Variants in ARMC9 observed in about 807,000 individuals in gnomAD.
ARMC9 encodes the protein armadillo repeat containing 9.
In ARMC9, 94 loss-of-function variants were observed where a neutral mutation model predicts 107.0. The ratio of observed to expected loss-of-function variants is 0.88; its 90% CI spans 0.74 to 1.04. The LOEUF (loss-of-function observed/expected upper bound fraction) is 1.04, where lower values mean the gene tolerates loss of function less well. Among genes scored for constraint, ARMC9 ranks in the 50% least tolerant of loss-of-function variants. The pLI is 0.00. For synonymous variants in ARMC9, 380 were observed against 396.9 expected (o/e 0.96, Z 0.51); for missense variants, 942 against 1,030.1 (o/e 0.91, Z 1.17).
At chr2:231,282,847 G>A (rs1381982489) in intron 17 of ARMC9, among the ~76,000 whole-genome samples, 2 of 152,188 alleles carry the variant, frequency 1.3e-5, no homozygotes, top group Non-Finnish European at 2.9e-5. Context: ...CTAAACAGTG[G>A]ACCTTAATTG....
In ARMC9 at chr2:231,262,379, A is replaced by G; in HGVS notation, c.1100A>G (p.Asp367Gly). 1 of 1,614,138 alleles carries G rather than the reference A, an allele frequency of 6.2e-7. No individual in the cohort carries two copies. Among genetic ancestry groups the G allele is most frequent in the South Asian group, 1.1e-5 (1 of 91,080 alleles). Residue 367 changes from aspartate to glycine, a missense_variant, in exon 12 of 25, where the codon GAC (aspartate) becomes GGC (glycine). By Grantham distance (94) the Asp-to-Gly change is moderately conservative. Transcript: ENST00000611582. ...GCCTACATCAGCAATGACCTCTTGG[A>G]CTGTTATAGCCACAACCAGGTTGGT... ...LQAYISNDLLDCYSHNQRSVL... is the reference protein window; with the variant it reads ...LQAYISNDLLGCYSHNQRSVL...
At chr2:231,298,385 A>T (rs1227430664) in intron 19 of ARMC9, among the ~76,000 whole-genome samples, 1 of 152,182 alleles carries the variant, frequency 6.6e-6, no homozygotes, top group African/African-American at 2.4e-5. Flanking sequence ...CTGTCTTTCA[A>T]AGTTGGAGGG....
At position 231,263,252 on chromosome 2, in the gene ARMC9, C is replaced by G. The variant is rs181266607; in HGVS notation, c.1119+854C>G. ...AGTATCAAATGCTCTGGACACTCAC[C>G]GATTAAACAGCTGTCTTAGGCCATT... On this transcript the variant is annotated intron_variant, in intron 12 of 24. Coordinates refer to ENST00000611582, the MANE Select transcript of ARMC9 (RefSeq NM_001352754.2). 1.2e-4 allele frequency among the ~76,000 whole-genome samples: 18 copies of G among 152,266 alleles called. No individual in the cohort carries two copies. The East Asian group carries it at 3.5e-3, about 29-fold the overall frequency.
chr2:231,351,847 C>A (rs1212751390), intron 21 of ARMC9, among the ~76,000 whole-genome samples: 1 of 152,000 alleles, frequency 6.6e-6, no homozygotes, highest in East Asian at 1.9e-4. Context: ...AAAATTATGA[C>A]CCTCCCTTCA....
chr2:231,246,921 C>T (rs1357763106), intron 9 of ARMC9, among the ~76,000 whole-genome samples: 2 of 151,748 alleles, frequency 1.3e-5, no homozygotes, highest in East Asian at 3.9e-4. Context: ...GTCTCCCAAG[C>T]AGCTGGGACT....
chr2:231,200,055 A>G lies in ARMC9; in HGVS notation c.-42+1357A>G, dbSNP rs147197705. Among the ~76,000 whole-genome samples, 767 of 152,344 alleles carry G rather than the reference A, an allele frequency of 5.0e-3. 11 individuals are homozygous for G. Among genetic ancestry groups the G allele is most frequent in the African/African-American group, 0.018 (735 of 41,580 alleles). ...GGATACCCAGCAGCACTCACATTCAATGACAGTTGATCACAGCAGATACTA... is the reference window on the plus strand; with the variant it reads ...GGATACCCAGCAGCACTCACATTCAGTGACAGTTGATCACAGCAGATACTA... On this transcript the variant is annotated intron_variant, in intron 1 of 24. Coordinates refer to ENST00000611582, the MANE Select transcript of ARMC9 (RefSeq NM_001352754.2).
At position 231,262,367 on chromosome 2, in the gene ARMC9, A is replaced by G. The variant is rs758714320; in HGVS notation, c.1088A>G (p.Asn363Ser). 2.3e-5 allele frequency: 37 copies of G among 1,614,022 alleles called. No individual in the cohort carries two copies. Among genetic ancestry groups the G allele is most frequent in the South Asian group, 3.3e-5 (3 of 91,088 alleles). Residue 363 changes from asparagine (N) to serine (S), a missense_variant, in exon 12 of 25, where the codon AAT becomes AGT. Physicochemically the swap from Asn to Ser is conservative, Grantham distance 46. Transcript: ENST00000611582. The stretch of plus-strand genomic sequence containing the variant: ...ACCGTTCTGCAAGCCTACATCAGCA[A>G]TGACCTCTTGGACTGTTATAGCCAC... ...RETVLQAYIS[N>S]DLLDCYSHNQ...
At chr2:231,343,383 T>G (rs1024966870) in intron 20 of ARMC9, among the ~76,000 whole-genome samples, 12 of 151,604 alleles carry the variant, frequency 7.9e-5, no homozygotes, top group Non-Finnish European at 1.6e-4. Flanking sequence ...GAAATTCCAA[T>G]GTTCAAGAAG....
chr2:231,226,185 T>C (rs2034629160), intron 6 of ARMC9, among the ~76,000 whole-genome samples: 1 of 152,228 alleles, frequency 6.6e-6, no homozygotes, highest in African/African-American at 2.4e-5. Context: ...AGGTGAATTA[T>C]ACAGTACGTG....
chr2:231,292,453 A>T (rs1333327910), intron 18 of ARMC9, among the ~76,000 whole-genome samples: 1 of 152,192 alleles, frequency 6.6e-6, no homozygotes, highest in Non-Finnish European at 1.5e-5. Context: ...CATTCACTGC[A>T]GAAAAACTGA....
intron 9 of ARMC9, 193 bp from the exon 10 acceptor site, chr2:231,256,393 T>C: frequency 1.6e-6 from 2 of 1,225,666 alleles, no homozygotes; most frequent in South Asian, 2.6e-5. Flanking sequence ...TTTTTTTTTG[T>C]CCGCCACACG....
chr2:231,357,065 C>T (rs944891050), intron 22 of ARMC9, among the ~76,000 whole-genome samples: 1 of 152,066 alleles, frequency 6.6e-6, no homozygotes, highest in African/African-American at 2.4e-5. Flanking sequence ...ACCTGCAGGG[C>T]GGAGGCACTT....
chr2:231,262,198 G>A (rs1298020313), intron 11 of ARMC9, 108 bp from the exon 12 acceptor site: 3 of 1,011,468 alleles, frequency 3.0e-6, no homozygotes, highest in African/African-American at 1.6e-5. Flanking sequence ...TATTTTGTTT[G>A]GTTAAATGTG....
At chr2:231,275,360 A>G (rs552496537) in intron 14 of ARMC9, among the ~76,000 whole-genome samples, 7 of 152,328 alleles carry the variant, frequency 4.6e-5, no homozygotes, top group South Asian at 4.1e-4. Flanking sequence ...TCAGTTTTCT[A>G]CTAATCCAGA....
intron 24 of ARMC9, 113 bp from the exon 25 acceptor site, chr2:231,371,400 G>T: frequency 8.1e-7 from 1 of 1,237,576 alleles, no homozygotes; most frequent in South Asian, 2.0e-5. Context: ...TGACCTGGGA[G>T]AGGGAAGGTT....
chr2:231,244,364 CTTT>C (rs780440851), intron 9 of ARMC9, among the ~76,000 whole-genome samples: 10 of 129,858 alleles, frequency 7.7e-5, no homozygotes, highest in Admixed American at 2.4e-4. Context: ...GAATGTGGAT[CTTT>C]TTTTTTTTTT....
In ARMC9 at chr2:231,259,027, T is replaced by A; in HGVS notation, c.951T>A (p.Asp317Glu). 1.2e-6 allele frequency: 2 copies of A among 1,614,130 alleles called. No homozygotes were observed. Among genetic ancestry groups the A allele is most frequent in the Non-Finnish European group, 1.7e-6 (2 of 1,179,982 alleles). The change falls in exon 11 of 25, where the codon GAT becomes GAA. Residue 317 changes from aspartate to glutamate, a missense_variant. Asp to Glu is a conservative substitution (Grantham distance 45). Coordinates refer to ENST00000611582, the MANE Select transcript of ARMC9 (RefSeq NM_001352754.2). Reference sequence around the variant, plus strand: ...ATGTCCCATTACTGCCCTCCTTGGATTATGAGAAACTGAAGAAGGATTTGA... The same window carrying A: ...ATGTCCCATTACTGCCCTCCTTGGAATATGAGAAACTGAAGAAGGATTTGA... The part of the protein sequence containing the change: ...LKDVPLLPSL[D>E]YEKLKKDLIL...
In ARMC9 at chr2:231,277,362, A is replaced by G. The variant is rs533923874; in HGVS notation, c.1474+587A>G. Among the ~76,000 whole-genome samples, 89 of 152,318 alleles carry G rather than the reference A, an allele frequency of 5.8e-4. 1 individual carries two copies. Among genetic ancestry groups the G allele is most frequent in the African/African-American group, 2.0e-3 (83 of 41,580 alleles). ...CTTCTTTAGAAGAGGTGCCACCTCCAGGCTGTGGCTTTCCCCAGCCTGAGC... is the reference window on the plus strand; with the variant it reads ...CTTCTTTAGAAGAGGTGCCACCTCCGGGCTGTGGCTTTCCCCAGCCTGAGC... On this transcript the variant is annotated intron_variant, in intron 15 of 24. Coordinates refer to ENST00000611582, the MANE Select transcript of ARMC9 (RefSeq NM_001352754.2).
chr2:231,288,805 C>T (rs1281457733), intron 17 of ARMC9: 4 of 448,090 alleles, frequency 8.9e-6, no homozygotes, highest in Non-Finnish European at 1.9e-5. Flanking sequence ...ACCTGTGCTG[C>T]AGTATCACTC....
Sources: gnomAD v4.1 joint callset for allele counts (sites outside exome capture counted in the v4.1 genomes callset) on GRCh38, gnomAD v4.1.1 for gene constraint, MANE v1.5 for transcripts, NCBI Gene and HGNC (gene_info 2026-07-23, HGNC 2026-07-21) for gene names.